LSM8: variants seen among roughly 807,000 people sequenced by gnomAD.
LSM8 encodes the protein LSM8 homolog, U6 small nuclear RNA associated.
In LSM8, 14 loss-of-function variants were observed where a neutral mutation model predicts 15.0. The ratio of observed to expected loss-of-function variants is 0.93; its 90% CI spans 0.62 to 1.46. LSM8 has a LOEUF of 1.46. Among genes scored for constraint, LSM8 ranks in the 40% most tolerant of loss-of-function variants. The probability of loss-of-function intolerance (pLI) is 0.00; values close to 1 mark genes in which losing one functional copy is unlikely to be tolerated. For missense variants in LSM8, 90 were observed against 115.4 expected, an observed-to-expected ratio of 0.78 and a Z score of 1.01; for synonymous variants, 50 against 42.1, an observed-to-expected ratio of 1.19 and a Z score of -0.73.
intron 1 of LSM8, 145 bp from the exon 2 acceptor site, chr7:118,185,509 C>T (rs959487068): frequency 2.7e-5 from 19 of 705,192 alleles, no homozygotes; most frequent in Middle Eastern, 3.6e-4. Flanking sequence ...AAACTTTTAA[C>T]GTTTTTATGT....
chr7:118,201,998 T>G lies in LSM8; in HGVS notation c.*9996T>G, dbSNP rs1273816755. Among the ~76,000 whole-genome samples the G allele has an allele frequency of 6.6e-6, 1 of 152,082 alleles. No individual in the cohort carries two copies. Among genetic ancestry groups the G allele is most frequent in the Non-Finnish European group, 1.5e-5 (1 of 67,986 alleles). ...AGATCCTGATCACTTCTATGTGAAT[T>G]TGTAATATTCTGCTTTTGGACTTGT... is the stretch of plus-strand genomic sequence containing the variant. On this transcript the variant is annotated 3_prime_UTR_variant, in exon 4 of 4. Coordinates refer to ENST00000249299, the MANE Select transcript of LSM8 (RefSeq NM_016200.5).
Position 118,191,961 on chromosome 7 carries a change from G to C in LSM8, c.250G>C (p.Gly84Arg), listed in dbSNP as rs778885117. The change falls in exon 4 of 4, where the codon GGG (glycine) becomes CGG (arginine). Residue 84 changes from glycine to arginine, a missense_variant. Gly to Arg is a moderately radical substitution (Grantham distance 125). Coordinates refer to ENST00000249299, the MANE Select transcript of LSM8 (RefSeq NM_016200.5). ...AGAAACAGATTCTGCGCTTGATTTG[G>C]GGAATATTCGAGCAGAACCTTTAAA... The part of the protein sequence containing the change: ...DEETDSALDL[G>R]NIRAEPLNSV... The C allele has an allele frequency of 3.7e-6, 6 of 1,613,046 alleles. No homozygotes were observed. The highest frequency in any genetic ancestry group is 4.2e-6 in the Non-Finnish European group (5 of 1,179,466).
At chr7:118,187,784 T>C (rs1808912296) in intron 2 of LSM8, among the ~76,000 whole-genome samples, 1 of 152,182 alleles carries the variant, frequency 6.6e-6, no homozygotes, top group Non-Finnish European at 1.5e-5. Context: ...TAGTACTAAA[T>C]CAAAGGGTAG....
chr7:118,201,594 T>C lies in LSM8; in HGVS notation c.*9592T>C, dbSNP rs905631556. 2.0e-5 allele frequency among the ~76,000 whole-genome samples: 3 copies of C among 152,100 alleles called. No individual in the cohort carries two copies. The highest frequency in any genetic ancestry group is 4.4e-5 in the Non-Finnish European group (3 of 67,990). ...AAAAAGCTCAGTAAAATTCATTAAT[T>C]TGAGAATGTGTCTATATCATAGTAA... is the stretch of plus-strand genomic sequence containing the variant. On this transcript the variant is annotated 3_prime_UTR_variant, in exon 4 of 4. Coordinates refer to ENST00000249299, the MANE Select transcript of LSM8 (RefSeq NM_016200.5).
At chr7:118,189,188 A>C (rs1808934520) in intron 3 of LSM8, 2 of 149,662 alleles carry the variant, frequency 1.3e-5, no homozygotes, top group South Asian at 4.3e-4. Flanking sequence ...TGAACCCAGG[A>C]GGTAGAGGTT....
chr7:118,188,274 A>G lies in LSM8; in HGVS notation c.73-4A>G. Reference sequence around the variant, plus strand: ...TCTTTTTCTCCTGAATATTTTCTTTACAGGGAACACTGAAAGGTTTTGACC... The same window carrying G: ...TCTTTTTCTCCTGAATATTTTCTTTGCAGGGAACACTGAAAGGTTTTGACC... On this transcript the variant is annotated splice_region_variant and splice_polypyrimidine_tract_variant and intron_variant, in intron 2 of 3. Transcript: ENST00000249299. 2.5e-6 allele frequency: 4 copies of G among 1,613,156 alleles called. No individual in the cohort carries two copies. The highest frequency in any genetic ancestry group is 1.3e-5 in the African/African-American group (1 of 75,026).
rs926055703 is a variant in LSM8, at chr7:118,201,904, A to C, written c.*9902A>C. Among the ~76,000 whole-genome samples the C allele has an allele frequency of 6.6e-6, 1 of 152,068 alleles. No individual in the cohort carries two copies. Among genetic ancestry groups the C allele is most frequent in the Non-Finnish European group, 1.5e-5 (1 of 67,960 alleles). On this transcript the variant is annotated 3_prime_UTR_variant, in exon 4 of 4. Transcript: ENST00000249299. ...AATTAAGGGTTTGGCCCTAGTTCAC[A>C]AGTAATCTTCCAGCACAAATTTTAT...
Position 118,194,309 on chromosome 7 carries a change from G to T in LSM8, c.*2307G>T, listed in dbSNP as rs1275849362. ...TTAATGAATCAAAGAGATGTTTCTT[G>T]GCAAGATATTTTCATTAAAGTTATT... On this transcript the variant is annotated 3_prime_UTR_variant, in exon 4 of 4. Coordinates refer to ENST00000249299, the MANE Select transcript of LSM8 (RefSeq NM_016200.5). Among the ~76,000 whole-genome samples, 2 of 151,648 alleles carry T rather than the reference G, an allele frequency of 1.3e-5. No homozygotes were observed. The highest frequency in any genetic ancestry group is 1.3e-4 in the Admixed American group (2 of 15,212).
rs374552438 is a variant in LSM8 at position 118,185,651 on chromosome 7, C to A, written c.32-3C>A. The A allele has an allele frequency of 1.7e-5, 27 of 1,608,068 alleles. No individual in the cohort carries two copies. The highest frequency in any genetic ancestry group is 2.3e-5 in the Non-Finnish European group (27 of 1,174,844). On this transcript the variant is annotated splice_region_variant and splice_polypyrimidine_tract_variant and intron_variant, in intron 1 of 3. Transcript: ENST00000249299. ...GAAACACTTTCTTTGATTCAGTTATCAGGAACTGTTGCCGTTATTACATCA... is the reference window on the plus strand; with the variant it reads ...GAAACACTTTCTTTGATTCAGTTATAAGGAACTGTTGCCGTTATTACATCA...
chr7:118,188,268 T>C lies in LSM8; in HGVS notation c.73-10T>C, dbSNP rs1273537184. ...TATTTCTCTTTTTCTCCTGAATATT[T>C]TCTTTACAGGGAACACTGAAAGGTT... is the stretch of plus-strand genomic sequence containing the variant. On this transcript the variant is annotated splice_polypyrimidine_tract_variant and intron_variant, in intron 2 of 3. Transcript: ENST00000249299. The C allele has an allele frequency of 6.2e-7, 1 of 1,612,658 alleles. No homozygotes were observed. Among genetic ancestry groups the C allele is most frequent in the Admixed American group, 1.7e-5 (1 of 59,920 alleles).
rs1436917021 is a variant in LSM8 at position 118,193,471 on chromosome 7, TCACTC to T, written c.*1470_*1474del. ...AGCTTTTTGGGGGAGGAAAATATCT[TCACTC>T]AAATCAGCCTTATAAGGGGAGAAGC... On this transcript the variant is annotated 3_prime_UTR_variant, in exon 4 of 4. Coordinates refer to ENST00000249299, the MANE Select transcript of LSM8 (RefSeq NM_016200.5). 3.3e-5 allele frequency among the ~76,000 whole-genome samples: 5 copies of T among 152,128 alleles called. No homozygotes were observed. The highest frequency in any genetic ancestry group is 1.2e-4 in the African/African-American group (5 of 41,442).
chr7:118,201,756 C>A lies in LSM8; in HGVS notation c.*9754C>A, dbSNP rs993675603. Reference sequence around the variant, plus strand: ...TGAAATATAAAATAAAATTATTGGTCATTTCATGTATACATTTGTGGTAAC... The same window carrying A: ...TGAAATATAAAATAAAATTATTGGTAATTTCATGTATACATTTGTGGTAAC... On this transcript the variant is annotated 3_prime_UTR_variant, in exon 4 of 4. Transcript: ENST00000249299. 1.3e-5 allele frequency among the ~76,000 whole-genome samples: 2 copies of A among 152,024 alleles called. No individual in the cohort carries two copies. The highest frequency in any genetic ancestry group is 4.8e-5 in the African/African-American group (2 of 41,406).
chr7:118,191,030 G>A (rs1808971042), intron 3 of LSM8: 1 of 151,868 alleles, frequency 6.6e-6, no homozygotes, highest in Non-Finnish European at 1.5e-5. Flanking sequence ...GCTTGAACCT[G>A]GTAAGTAGAG....
rs973257336 is a variant in LSM8, at chr7:118,199,544, T to C, written c.*7542T>C. ...GCTGGAAGTACAGAGTTTCAAAAGA[T>C]GTACATAAATTTATGGAAAGGAAAT... On this transcript the variant is annotated 3_prime_UTR_variant, in exon 4 of 4. Transcript: ENST00000249299. Among the ~76,000 whole-genome samples the C allele has an allele frequency of 1.3e-5, 2 of 152,130 alleles. No individual in the cohort carries two copies. Among genetic ancestry groups the C allele is most frequent in the African/African-American group, 4.8e-5 (2 of 41,436 alleles).
intron 1 of LSM8, chr7:118,185,113 C>T (rs1808864231): frequency 2.0e-5 from 3 of 152,038 alleles, no homozygotes; most frequent in Admixed American, 6.6e-5. Context: ...GGTAACCTTC[C>T]TAGTAGAAAA....
At position 118,203,791 on chromosome 7, in the gene LSM8, GTATAT is replaced by G. The variant is rs1005336740; in HGVS notation, c.*11794_*11798del. ...TTTCAAACATTTAATATGTGCACATGTATATTATAATATACTCATCCTTTATATTT... is the reference window on the plus strand; with the variant it reads ...TTTCAAACATTTAATATGTGCACATGTATAATATACTCATCCTTTATATTT... On this transcript the variant is annotated 3_prime_UTR_variant, in exon 4 of 4. Transcript: ENST00000249299. Among the ~76,000 whole-genome samples the G allele has an allele frequency of 2.0e-5, 3 of 151,692 alleles. No homozygotes were observed. Among genetic ancestry groups the G allele is most frequent in the African/African-American group, 2.4e-5 (1 of 41,366 alleles).
At chr7:118,185,473 G>A in intron 1 of LSM8, 181 bp from the exon 2 acceptor site, 1 of 587,766 alleles carries the variant, frequency 1.7e-6, no homozygotes, top group African/African-American at 1.9e-5. Flanking sequence ...CTCACCTCAA[G>A]TGATCCTCCT....
intron 3 of LSM8, 54 bp downstream of exon 3, chr7:118,188,459 G>A (rs1393249798): frequency 1.3e-6 from 2 of 1,523,652 alleles, no homozygotes; most frequent in Non-Finnish European, 1.8e-6. Context: ...ACTTTATGGA[G>A]AAGAGGCTTT....
At chr7:118,191,659 T>A in intron 3 of LSM8, 1 of 399,010 alleles carries the variant, frequency 2.5e-6, no homozygotes. Flanking sequence ...AATCACTGTG[T>A]ACAATGTGTC....
Sources: allele counts gnomAD v4.1 joint callset (sites outside exome capture counted in the v4.1 genomes callset), GRCh38; gene constraint gnomAD v4.1.1; transcripts MANE v1.5; gene names NCBI Gene and HGNC (gene_info 2026-07-23, HGNC 2026-07-21).